Variants in FLG observed in about 807,000 individuals in gnomAD.
The protein encoded by FLG is filaggrin.
Under a neutral mutation model 3.8 loss-of-function variants are expected in FLG, and 6 were observed. The observed-to-expected ratio is 1.60, with a 90% CI of 0.87 to 3.15. The LOEUF (loss-of-function observed/expected upper bound fraction) is 3.15, where lower values mean the gene tolerates loss of function less well. Among genes scored for constraint, FLG ranks in the 30% most tolerant of loss-of-function variants. The pLI is 0.00. For synonymous variants in FLG, 2,551 were observed against 1,931.6 expected, an observed-to-expected ratio of 1.32 and a Z score of -8.41; for missense variants, 7,595 against 5,050.9, an observed-to-expected ratio of 1.50 and a Z score of -15.27.
At position 152,314,378 on chromosome 1, in the gene FLG, C is replaced by G; in HGVS notation, c.508G>C (p.Glu170Gln). 6.2e-7 allele frequency: 1 copy of G among 1,612,898 alleles called. No individual in the cohort carries two copies. Among genetic ancestry groups the G allele is most frequent in the Non-Finnish European group, 8.5e-7 (1 of 1,179,692 alleles). The change falls in exon 3 of 3, where the codon GAA becomes CAA. Residue 170 changes from glutamate (E) to glutamine (Q), a missense_variant. Glu to Gln is a conservative substitution (Grantham distance 29, BLOSUM62 2). Transcript: ENST00000368799. Reference protein sequence around the residue: ...ERKGYSPTHREEEYGKNHHNS... With the variant: ...ERKGYSPTHRQEEYGKNHHNS... ...TGATGGTTTTTTCCATATTCTTCTT[C>G]TCTATGAGTAGGTGAATATCCTTTT... is the stretch of plus-strand genomic sequence containing the variant.
At position 152,303,339 on chromosome 1, in the gene FLG, T is replaced by C. The variant is rs754412084; in HGVS notation, c.11547A>G (p.Glu3849=). 9.3e-6 allele frequency: 15 copies of C among 1,614,138 alleles called. No individual in the cohort carries two copies. Among genetic ancestry groups the C allele is most frequent in the South Asian group, 1.1e-5 (1 of 91,078 alleles). Residue 3849 remains glutamate, a synonymous_variant, in exon 3 of 3, where the codon GAA becomes GAG. Transcript: ENST00000368799. The part of the protein sequence containing the change: ...SSRHSQSGQG[E]SAGSRRSRRQ... ...GCCTGCTTCTCCTGGACCCCGCTGA[T>C]TCACCCTGGCCGGACTGTGAGTGTC...
At position 152,315,434 on chromosome 1, in the gene FLG, A is replaced by AG. The variant is rs1168885071; in HGVS notation, c.22_23insC (p.Ile8ThrfsTer6). The AG allele has an allele frequency of 6.2e-7, 1 of 1,612,140 alleles. No individual in the cohort carries two copies. Among genetic ancestry groups the AG allele is most frequent in the Non-Finnish European group, 8.5e-7 (1 of 1,179,172 alleles). ...CTTGAAAAGATTAATTATGGCAAAG[A>AG]TGTTTTCCAGGAGAGTAGACATCTT... On this transcript the variant is annotated frameshift_variant, in exon 2 of 3. Transcript: ENST00000368799. LOFTEE classifies it high-confidence loss of function.
chr1:152,316,646 T>G lies in FLG; in HGVS notation c.-21-1169A>C, dbSNP rs140807124. ...AAAGTTTATGATTATTTTCAGCCAG[T>G]CTTATTTATGATGATATTGTATTCT... On this transcript the variant is annotated intron_variant, in intron 1 of 2. Transcript: ENST00000368799. Among the ~76,000 whole-genome samples the G allele has an allele frequency of 3.5e-4, 54 of 152,298 alleles. No homozygotes were observed. In the East Asian group the frequency reaches 0.01, roughly 28 times the overall value.
Position 152,312,201 on chromosome 1 carries a change from T to C in FLG, c.2685A>G (p.Thr895=), listed in dbSNP as rs376214913. Residue 895 remains threonine (T), a synonymous_variant, in exon 3 of 3, where the codon ACA becomes ACG. Transcript: ENST00000368799. ...CTCTTGATTGTTCCTCATTACGTGT[T>C]GTTCTGCTTGCACTTCTGGATCCTG... ...GQSGSRSASR[T]TRNEEQSRDG... The C allele has an allele frequency of 4.2e-5, 67 of 1,613,796 alleles. No homozygotes were observed. The highest frequency in any genetic ancestry group is 5.4e-5 in the Non-Finnish European group (64 of 1,179,974).
Position 152,305,722 on chromosome 1 carries a change from G to T in FLG, c.9164C>A (p.Thr3055Lys), listed in dbSNP as rs769869908. Residue 3055 changes from threonine to lysine, a missense_variant, in exon 3 of 3, where the codon ACG becomes AAG. Thr to Lys is a moderately conservative substitution (Grantham distance 78). Coordinates refer to ENST00000368799, the MANE Select transcript of FLG (RefSeq NM_002016.2). ...GAGGAAAGATCCTGAATGTCCAGAC[G>T]TTTCCCCTGACCGGCCACGTGCGGA... The part of the protein sequence containing the change: ...QESARGRSGE[T>K]SGHSGSFLYQ... 7.8e-7 allele frequency: 1 copy of T among 1,279,136 alleles called. No individual in the cohort carries two copies. Among genetic ancestry groups the T allele is most frequent in the Non-Finnish European group, 1.0e-6 (1 of 957,436 alleles). The allele number at this position is 1,279,136 out of a possible 1,614,324, so 79.2% of individuals were successfully genotyped here.
In FLG at chr1:152,307,284, G is replaced by A. The variant is rs3126073; in HGVS notation, c.7602C>T (p.His2534=). 2,334 of 1,613,240 alleles carry A rather than the reference G, an allele frequency of 1.4e-3. 59 individuals carry two copies. The African/African-American group carries it at 0.029, about 20-fold the overall frequency. Residue 2534 remains histidine (H), a synonymous_variant, in exon 3 of 3, where the codon CAC becomes CAT. Transcript: ENST00000368799. ...GDGSRHSGSR[H]HEASSRADSS... is the part of the protein sequence containing the mutation. ...TGTCGGCCCGAGAGGAAGCTTCATG[G>A]TGACGCGACCCTGAGTGCCTGGAGC...
Position 152,314,415 on chromosome 1 carries a change from T to G in FLG, c.471A>C (p.Glu157Asp). ...GTGAATATCCTTTTCTTTCTTTTTT[T>G]TCAGAACTAGATTCATGCCTTTTCC... ...TGGKRHESSS[E>D]KKERKGYSPT... The change falls in exon 3 of 3, where the codon GAA becomes GAC. Residue 157 changes from glutamate to aspartate, a missense_variant. Physicochemically the swap from Glu to Asp is conservative, Grantham distance 45 (BLOSUM62 2). Coordinates refer to ENST00000368799, the MANE Select transcript of FLG (RefSeq NM_002016.2). 6.2e-7 allele frequency: 1 copy of G among 1,613,586 alleles called. No homozygotes were observed. Among genetic ancestry groups the G allele is most frequent in the African/African-American group, 1.3e-5 (1 of 75,046 alleles).
chr1:152,308,171 G>A lies in FLG; in HGVS notation c.6715C>T (p.Arg2239Trp), dbSNP rs767399613. 77 of 1,613,772 alleles carry A rather than the reference G, an allele frequency of 4.8e-5. No individual in the cohort carries two copies. The highest frequency in any genetic ancestry group is 8.3e-5 in the Admixed American group (5 of 59,976). The change falls in exon 3 of 3, where the codon CGG becomes TGG. Residue 2239 changes from arginine to tryptophan, a missense_variant. Physicochemically the swap from Arg to Trp is moderately radical, Grantham distance 101 (BLOSUM62 -3). Transcript: ENST00000368799. ...CTGTCCTGGCTAACACTGGATCCCC[G>A]GGGCCTGCTTGTCCTGGGCCCTGAT... ...QSSGPRTSRP[R>W]GSSVSQDSDS...
At chr1:152,321,052 CTATA>C (rs201366856) in intron 1 of FLG, among the ~76,000 whole-genome samples, 18 of 149,824 alleles carry the variant, frequency 1.2e-4, no homozygotes, top group Non-Finnish European at 2.4e-4. Flanking sequence ...TATTTATAGC[CTATA>C]TATATATACA....
At position 152,311,019 on chromosome 1, in the gene FLG, A is replaced by G; in HGVS notation, c.3867T>C (p.Ser1289=). 2 of 1,613,822 alleles carry G rather than the reference A, an allele frequency of 1.2e-6. No individual in the cohort carries two copies. The highest frequency in any genetic ancestry group is 1.7e-6 in the Non-Finnish European group (2 of 1,179,950). Residue 1289 remains serine (S), a synonymous_variant, in exon 3 of 3, where the codon TCT becomes TCC. Transcript: ENST00000368799. ...HSDDSERLSG[S]ASRNHHGSSR... is the part of the protein sequence containing the mutation. ...AAGATCCATGATGGTTTCTGGAAGC[A>G]GACCCAGACAACCTCTCGGAGTCGT...
rs1471971404 is a variant in FLG, at chr1:152,307,206, G to A, written c.7680C>T (p.Ser2560=). 9.3e-6 allele frequency: 15 copies of A among 1,612,710 alleles called. No individual in the cohort carries two copies. The highest frequency in any genetic ancestry group is 2.2e-5 in the East Asian group (1 of 44,804). The change falls in exon 3 of 3, where the codon AGC becomes AGT. Residue 2560 remains serine, a synonymous_variant. Transcript: ENST00000368799. ...GGCTAAAACTGGATCCCCAGTTCCTGCTTGTCCTGGGCCCCTCTGATTGTC... is the reference window on the plus strand; with the variant it reads ...GGCTAAAACTGGATCCCCAGTTCCTACTTGTCCTGGGCCCCTCTGATTGTC... The part of the protein sequence containing the change: ...GQGQSEGPRT[S]RNWGSSFSQD...
Position 152,309,987 on chromosome 1 carries a change from G to A in FLG, c.4899C>T (p.Pro1633=). Residue 1633 remains proline (P), a synonymous_variant, in exon 3 of 3, where the codon CCC becomes CCT. Coordinates refer to ENST00000368799, the MANE Select transcript of FLG (RefSeq NM_002016.2). ...TGGCTCTATCTTCTTGATGGGACCTGGGGTTCCTGGAGCCATGTCTTGACT... is the reference window on the plus strand; with the variant it reads ...TGGCTCTATCTTCTTGATGGGACCTAGGGTTCCTGGAGCCATGTCTTGACT... ...REQSRHGSRN[P]RSHQEDRASH... 6.2e-7 allele frequency: 1 copy of A among 1,613,948 alleles called. No individual in the cohort carries two copies. The highest frequency in any genetic ancestry group is 8.5e-7 in the Non-Finnish European group (1 of 1,179,992).
chr1:152,308,340 C>A lies in FLG; in HGVS notation c.6546G>T (p.Gly2182=), dbSNP rs567547776. ...TGCTTGCACTTCTGGATCCTGACTG[C>A]CCACGGGAGGCATCAGACCTTCCCT... ...TSQGRSDASR[G]QSGSRSASRK... is the part of the protein sequence containing the mutation. Residue 2182 remains glycine, a synonymous_variant, in exon 3 of 3, where the codon GGG becomes GGT. Coordinates refer to ENST00000368799, the MANE Select transcript of FLG (RefSeq NM_002016.2). The A allele has an allele frequency of 1.1e-5, 17 of 1,613,692 alleles. No individual in the cohort carries two copies. In the Middle Eastern group the frequency reaches 5.0e-4, roughly 47 times the overall value.
chr1:152,314,122 T>A lies in FLG; in HGVS notation c.764A>T (p.Lys255Ile). The change falls in exon 3 of 3, where the codon AAA becomes ATA. Residue 255 changes from lysine to isoleucine, a missense_variant. Coordinates refer to ENST00000368799, the MANE Select transcript of FLG (RefSeq NM_002016.2). ...AGATGACCTTGATCTTTCATATATT[T>A]TGTTTTCTTCTAATAGACTATCAGT... Reference protein sequence around the residue: ...DTTDSLLEENKIYERSRSSDG... With the variant: ...DTTDSLLEENIIYERSRSSDG... The A allele has an allele frequency of 6.2e-7, 1 of 1,614,160 alleles. No individual in the cohort carries two copies. Among genetic ancestry groups the A allele is most frequent in the South Asian group, 1.1e-5 (1 of 91,074 alleles).
Position 152,313,098 on chromosome 1 carries a change from G to C in FLG, c.1788C>G (p.Asp596Glu). The C allele has an allele frequency of 6.2e-7, 1 of 1,613,898 alleles. No homozygotes were observed. The highest frequency in any genetic ancestry group is 8.5e-7 in the Non-Finnish European group (1 of 1,179,990). The change falls in exon 3 of 3, where the codon GAC (aspartate) becomes GAG (glutamate). Residue 596 changes from aspartate (D) to glutamate (E), a missense_variant. Asp to Glu is a conservative substitution (Grantham distance 45, BLOSUM62 2). Coordinates refer to ENST00000368799, the MANE Select transcript of FLG (RefSeq NM_002016.2). The stretch of plus-strand genomic sequence containing the variant: ...GGCCCACCTGTGAGTGTCTAGAGCT[G>C]TCAGCCTGAGAGGAAGCTTCATGAT... Reference protein sequence around the residue: ...SRHHEASSQADSSRHSQVGQG... With the variant: ...SRHHEASSQAESSRHSQVGQG...
Position 152,311,896 on chromosome 1 carries a change from T to G in FLG, c.2990A>C (p.His997Pro). Residue 997 changes from histidine to proline, a missense_variant, in exon 3 of 3, where the codon CAC becomes CCC. His to Pro is a moderately conservative substitution (Grantham distance 77). Coordinates refer to ENST00000368799, the MANE Select transcript of FLG (RefSeq NM_002016.2). Reference sequence around the variant, plus strand: ...TGATTGTCTGGAGCTGTCTGCAGAGTGCCCGTGACCGGCTCTGTCTTCGTG... The same window carrying G: ...TGATTGTCTGGAGCTGTCTGCAGAGGGCCCGTGACCGGCTCTGTCTTCGTG... ...SHHEDRAGHG[H>P]SADSSRQSGT... 1.9e-6 allele frequency: 3 copies of G among 1,614,082 alleles called. No individual in the cohort carries two copies. The highest frequency in any genetic ancestry group is 2.5e-6 in the Non-Finnish European group (3 of 1,180,002).
In FLG at chr1:152,310,872, A is replaced by T. The variant is rs1652362888; in HGVS notation, c.4014T>A (p.Ser1338=). ...QSGTHHTESS[S]HGQAVSSHEQ... ...CATGGGATGACACAGCCTGTCCATG[A>T]GAGGAAGACTCTGTGTGATGAGTGC... The change falls in exon 3 of 3, where the codon TCT becomes TCA. Residue 1338 remains serine (S), a synonymous_variant. Coordinates refer to ENST00000368799, the MANE Select transcript of FLG (RefSeq NM_002016.2). 6.2e-7 allele frequency: 1 copy of T among 1,613,966 alleles called. No homozygotes were observed. The highest frequency in any genetic ancestry group is 1.3e-5 in the African/African-American group (1 of 74,982).
rs528101018 is a variant in FLG at position 152,307,185 on chromosome 1, A to C, written c.7701T>G (p.Phe2567Leu). The C allele has an allele frequency of 6.4e-5, 103 of 1,612,382 alleles. 2 individuals carry two copies. Among genetic ancestry groups the C allele is most frequent in the African/African-American group, 3.7e-4 (27 of 73,702 alleles). ...PRTSRNWGSS[F>L]SQDSDSQGHS... The stretch of plus-strand genomic sequence containing the variant: ...GTCCCTGACTGTCACTGTCCTGGCT[A>C]AAACTGGATCCCCAGTTCCTGCTTG... Residue 2567 changes from phenylalanine (F) to leucine (L), a missense_variant, in exon 3 of 3, where the codon TTT becomes TTG. Transcript: ENST00000368799.
rs1376959965 is a variant in FLG at position 152,308,662 on chromosome 1, G to A, written c.6224C>T (p.Ser2075Phe). Residue 2075 changes from serine (S) to phenylalanine (F), a missense_variant, in exon 3 of 3, where the codon TCC becomes TTC. Physicochemically the swap from Ser to Phe is radical, Grantham distance 155. Transcript: ENST00000368799. Reference protein sequence around the residue: ...AGPHQQSHKESARGQSGESSG... With the variant: ...AGPHQQSHKEFARGQSGESSG... ...GCTTTCCCCTGACTGGCCACGTGCG[G>A]ACTCTTTGTGGCTCTGCTGATGGGG... 5.0e-6 allele frequency: 8 copies of A among 1,614,040 alleles called. No individual in the cohort carries two copies. The East Asian group carries it at 6.7e-5, about 13-fold the overall frequency.
Sources: gnomAD v4.1 joint callset for allele counts (sites outside exome capture counted in the v4.1 genomes callset) on GRCh38, gnomAD v4.1.1 for gene constraint, MANE v1.5 for transcripts, NCBI Gene and HGNC (gene_info 2026-07-23, HGNC 2026-07-21) for gene names.